Variants in ELMO2 observed in about 807,000 individuals in gnomAD.
ELMO2 encodes the protein engulfment and cell motility protein 2.
Under a neutral mutation model 96.2 loss-of-function variants are expected in ELMO2, and 37 were observed. That is an observed-to-expected ratio of 0.38 (90% CI 0.30 to 0.51). ELMO2 has a LOEUF of 0.51. ELMO2 is among the 20% of genes least tolerant of loss of function. The pLI is 0.88. For synonymous variants in ELMO2, 315 were observed against 329.4 expected (o/e 0.96, Z 0.47); for missense variants, 561 against 912.6 (o/e 0.61, Z 4.96).
In ELMO2 at chr20:46,375,544, T is replaced by TA; in HGVS notation, c.930+123dup. On this transcript the variant is annotated intron_variant, in intron 12 of 21. Transcript: ENST00000290246. This position sits in a 1 kb window ranked among gnomAD's most constrained non-coding sequence, Gnocchi z 4.6. Reference sequence around the variant, plus strand: ...GCTTGGCTCATGGTGCAGATCATGCTAGATTTTCTAGGGCAGATGCAAACT... The same window carrying TA: ...GCTTGGCTCATGGTGCAGATCATGCTAAGATTTTCTAGGGCAGATGCAAACT... 6.6e-7 allele frequency: 1 copy of TA among 1,518,632 alleles called. No individual in the cohort carries two copies. Among genetic ancestry groups the TA allele is most frequent in the Non-Finnish European group, 9.0e-7 (1 of 1,114,186 alleles). The allele number at this position is 1,518,632 out of a possible 1,614,324, so 94.1% of individuals were successfully genotyped here.
intron 1 of ELMO2, among the ~76,000 whole-genome samples, chr20:46,403,599 T>A (rs2060371168): frequency 6.6e-6 from 1 of 152,256 alleles, no homozygotes; most frequent in African/African-American, 2.4e-5. Context: ...CAGCCCATAC[T>A]GATTCTGGCT....
intron 2 of ELMO2, among the ~76,000 whole-genome samples, chr20:46,394,990 A>G (rs555500262): frequency 1.3e-5 from 2 of 152,318 alleles, no homozygotes; most frequent in African/African-American, 4.8e-5. Flanking sequence ...GGGCCCAGCT[A>G]CATGCTCTCT....
At chr20:46,380,447 C>A in intron 10 of ELMO2, 144 bp from the exon 11 acceptor site, 1 of 670,916 alleles carries the variant, frequency 1.5e-6, no homozygotes, top group East Asian at 2.5e-5. Flanking sequence ...GGTGAATGAA[C>A]GAAAATCCAC....
intron 6 of ELMO2, 152 bp from the exon 7 acceptor site, chr20:46,389,372 G>T: frequency 1.3e-6 from 1 of 750,260 alleles, no homozygotes; most frequent in Non-Finnish European, 2.1e-6. Flanking sequence ...AAATGTTTGT[G>T]GAATCAATCA....
chr20:46,371,847 A>G lies in ELMO2; in HGVS notation c.1539T>C (p.Ser513=), dbSNP rs780136305. ...GGAAGTCATCCTGACTCATCCTCTC[A>G]GACTGGCGCAGTCGTAGAATCTCAG... ...SYSEILRLRQ[S]ERMSQDDFQS... The change falls in exon 17 of 22, where the codon TCT becomes TCC. Residue 513 remains serine (S), a synonymous_variant. Coordinates refer to ENST00000290246, the MANE Select transcript of ELMO2 (RefSeq NM_133171.5). This position sits in a 1 kb window ranked among gnomAD's most constrained non-coding sequence, Gnocchi z 5.9. The G allele has an allele frequency of 6.2e-7, 1 of 1,614,218 alleles. No individual in the cohort carries two copies. Among genetic ancestry groups the G allele is most frequent in the Non-Finnish European group, 8.5e-7 (1 of 1,180,032 alleles).
In ELMO2 at chr20:46,375,648, C is replaced by G. The variant is rs867559125; in HGVS notation, c.930+20G>C. The G allele has an allele frequency of 1.9e-6, 3 of 1,613,912 alleles. No homozygotes were observed. The Middle Eastern group carries it at 5.0e-4, about 266-fold the overall frequency. On this transcript the variant is annotated intron_variant, in intron 12 of 21. Transcript: ENST00000290246. The surrounding 1 kb of genome is among the most constrained non-coding windows in gnomAD (Gnocchi z 4.6). ...CTGCACCACAGCCATGAGAAAACAG[C>G]TGCCCCACTTAGCACCTACCTGGTC...
chr20:46,405,638 A>T (rs2060422397), intron 1 of ELMO2, among the ~76,000 whole-genome samples: 1 of 152,176 alleles, frequency 6.6e-6, no homozygotes, highest in Non-Finnish European at 1.5e-5. Flanking sequence ...CTGTAATCCC[A>T]GCACTCTGGG....
rs1340212718 is a variant in ELMO2 at position 46,376,913 on chromosome 20, G to A, written c.808-1123C>T. 1.5e-5 allele frequency: 14 copies of A among 949,008 alleles called. No individual in the cohort carries two copies. The Admixed American group carries it at 2.9e-4, about 20-fold the overall frequency. The allele number at this position is 949,008 out of a possible 1,614,324, so 58.8% of individuals were successfully genotyped here. On this transcript the variant is annotated intron_variant, in intron 11 of 21. Transcript: ENST00000290246. ...TTTAAGTTGAAAATTTGGTTCCTTA[G>A]TTGCACCAGCCACATTTTAAGTGCT...
intron 11 of ELMO2, among the ~76,000 whole-genome samples, chr20:46,376,233 A>C (rs1244118026): frequency 2.0e-5 from 3 of 152,200 alleles, no homozygotes; most frequent in Non-Finnish European, 4.4e-5. Flanking sequence ...GGCTTCACCC[A>C]GCAGAGAGGC....
chr20:46,405,924 G>C (rs962092422), intron 1 of ELMO2, among the ~76,000 whole-genome samples: 1 of 152,178 alleles, frequency 6.6e-6, no homozygotes. Context: ...CTCTGGGCAC[G>C]GTGCAAGGCC....
chr20:46,387,627 C>G, intron 7 of ELMO2, 190 bp from the exon 8 acceptor site: 1 of 162,866 alleles, frequency 6.1e-6, no homozygotes, highest in Non-Finnish European at 1.1e-5. Flanking sequence ...AGGTATCTAT[C>G]GCTGCAAAAA....
In ELMO2 at chr20:46,371,604, T is replaced by C. The variant is rs758944976; in HGVS notation, c.1668A>G (p.Arg556=). 1.9e-6 allele frequency: 3 copies of C among 1,603,514 alleles called. No homozygotes were observed. In the African/African-American group the frequency reaches 4.0e-5, roughly 22 times the overall value. The change falls in exon 18 of 22, where the codon CGA becomes CGG. Residue 556 remains arginine (R), a synonymous_variant. Transcript: ENST00000290246. This position sits in a 1 kb window ranked among gnomAD's most constrained non-coding sequence, Gnocchi z 5.9. ...CTTGCCTTCGGCGGTTCCCAATCTT[T>C]CGGAAGCTGCTGCCCTCACAGAGCC... ...LNRLCEGSSF[R]KIGNRRRQER...
Position 46,373,396 on chromosome 20 carries a change from G to A in ELMO2, c.1416+3C>T. On this transcript the variant is annotated splice_donor_region_variant and intron_variant, in intron 16 of 21. Coordinates refer to ENST00000290246, the MANE Select transcript of ELMO2 (RefSeq NM_133171.5). ...GGCCTCAGAGCAGCCCGGAGACACT[G>A]ACCTTGTTGAAGTCCTCTGCTGTTG... The A allele has an allele frequency of 6.2e-7, 1 of 1,614,168 alleles. No individual in the cohort carries two copies. The highest frequency in any genetic ancestry group is 8.5e-7 in the Non-Finnish European group (1 of 1,180,040).
At chr20:46,370,602 G>C in intron 19 of ELMO2, 77 bp from the exon 20 acceptor site, 2 of 1,380,122 alleles carry the variant, frequency 1.4e-6, no homozygotes, top group Non-Finnish European at 1.0e-6. Context: ...CTGGAAGGGA[G>C]GTACTGGGGC....
chr20:46,369,154 T>A, intron 20 of ELMO2, 186 bp from the exon 21 acceptor site: 1 of 556,992 alleles, frequency 1.8e-6, no homozygotes, highest in Non-Finnish European at 3.2e-6. Context: ...AACCTTAACT[T>A]ACCCACTCCC....
rs1033506131 is a variant in ELMO2, at chr20:46,387,222, C to G, written c.525+116G>C. ...TAGAGCTTGAGGATGAAAAATCTGG[C>G]CCCAGGGAATATAAAGCTGATCTCA... On this transcript the variant is annotated intron_variant, in intron 8 of 21. Coordinates refer to ENST00000290246, the MANE Select transcript of ELMO2 (RefSeq NM_133171.5). 3 of 799,606 alleles carry G rather than the reference C, an allele frequency of 3.8e-6. No individual in the cohort carries two copies. In the African/African-American group the frequency reaches 5.2e-5, roughly 14 times the overall value. The allele number at this position is 799,606 out of a possible 1,614,324, so 49.5% of individuals were successfully genotyped here.
chr20:46,378,648 ACT>A (rs1026511324), intron 11 of ELMO2, among the ~76,000 whole-genome samples: 1 of 152,022 alleles, frequency 6.6e-6, no homozygotes, highest in Non-Finnish European at 1.5e-5. Context: ...AGTCTGGCAG[ACT>A]CTGCATTTTA....
At chr20:46,374,230 C>T in intron 15 of ELMO2, 102 bp downstream of exon 15, 1 of 905,122 alleles carries the variant, frequency 1.1e-6, no homozygotes, top group South Asian at 1.5e-5. Flanking sequence ...GTGTGAACCA[C>T]CACGCCCGAC....
chr20:46,383,173 G>A (rs1488318559), intron 10 of ELMO2, among the ~76,000 whole-genome samples: 1 of 152,120 alleles, frequency 6.6e-6, no homozygotes, highest in African/African-American at 2.4e-5. Flanking sequence ...TTATTCTCTG[G>A]CCCTTTAGAG....
Sources: allele counts gnomAD v4.1 joint callset (sites outside exome capture counted in the v4.1 genomes callset), GRCh38; gene constraint gnomAD v4.1.1; non-coding constraint Gnocchi (gnomAD v3.1); transcripts MANE v1.5; gene names NCBI Gene and HGNC (gene_info 2026-07-23, HGNC 2026-07-21).